TRPC5: variants seen among roughly 807,000 people sequenced by gnomAD.
TRPC5 encodes the protein transient receptor potential cation channel subfamily C member 5.
A neutral mutation model predicts 56.5 loss-of-function variants in TRPC5; 9 were observed. That is an observed-to-expected ratio of 0.16 (90% CI 0.10 to 0.28). TRPC5 has a LOEUF of 0.28. Ranked by LOEUF, TRPC5 falls within the 10% of genes least tolerant of loss-of-function variation. The pLI is 1.00. For missense variants in TRPC5, 469 were observed against 748.9 expected (o/e 0.63, Z 4.36); for synonymous variants, 282 against 278.5 (o/e 1.01, Z -0.13).
intron 6 of TRPC5, among the ~76,000 whole-genome samples, chrX:111,841,438 T>A (rs1326333286): frequency 8.9e-6 from 1 of 111,877 alleles, no homozygotes; most frequent in Non-Finnish European, 1.9e-5. Context: ...ACAGCCTGAT[T>A]AACTGCGTTG....
intron 7 of TRPC5, among the ~76,000 whole-genome samples, chrX:111,788,380 C>T (rs1945987719): frequency 8.9e-6 from 1 of 111,828 alleles, no homozygotes; most frequent in African/African-American, 3.3e-5. Flanking sequence ...ATGCTAAAAA[C>T]TCTCAATAAA....
At chrX:111,829,605 C>T (rs73266316) in intron 7 of TRPC5, among the ~76,000 whole-genome samples, 5,763 of 112,057 alleles carry the variant, frequency 0.051, 162 homozygotes, top group Non-Finnish European at 0.079. Context: ...GTTTTCCAGC[C>T]GATCTAGCCA....
At chrX:111,786,459 A>G (rs1207134288) in intron 7 of TRPC5, among the ~76,000 whole-genome samples, 1 of 111,806 alleles carries the variant, frequency 8.9e-6, no homozygotes, top group Non-Finnish European at 1.9e-5. Context: ...CACTGCAAAA[A>G]TATGCCAAAT....
chrX:112,015,397 T>A (rs1174571778), intron 1 of TRPC5, among the ~76,000 whole-genome samples: 1 of 110,510 alleles, frequency 9.0e-6, no homozygotes, highest in Non-Finnish European at 1.9e-5. Context: ...TTTTTTTTCT[T>A]TGGTAGAGAT....
At chrX:111,799,256 TCTTTTGTTTGTA>T (rs1201570632) in intron 7 of TRPC5, among the ~76,000 whole-genome samples, 1 of 111,502 alleles carries the variant, frequency 9.0e-6, no homozygotes, top group Non-Finnish European at 1.9e-5. Flanking sequence ...CAGTTGCTAG[TCTTTTGTTTGTA>T]CTAGAAGGCC....
At chrX:111,982,209 T>C (rs952323198) in intron 1 of TRPC5, among the ~76,000 whole-genome samples, 16 of 112,136 alleles carry the variant, frequency 1.4e-4, no homozygotes, top group African/African-American at 5.2e-4. Flanking sequence ...AGGTAGTCCT[T>C]TATGGCAGTG....
intron 1 of TRPC5, among the ~76,000 whole-genome samples, chrX:112,030,349 C>G (rs968718292): frequency 2.7e-5 from 3 of 112,200 alleles, no homozygotes; most frequent in African/African-American, 9.7e-5. Context: ...GTGACTTGCC[C>G]GAAGTCCATA....
chrX:112,072,453 A>C (rs998593275), intron 1 of TRPC5, among the ~76,000 whole-genome samples: 2 of 111,831 alleles, frequency 1.8e-5, no homozygotes, highest in African/African-American at 6.5e-5. Context: ...TTGAGTTCTA[A>C]ACCCATTTAA....
chrX:111,993,105 A>G (rs781012066), intron 1 of TRPC5, among the ~76,000 whole-genome samples: 17 of 101,441 alleles, frequency 1.7e-4, no homozygotes, highest in African/African-American at 5.1e-4. Flanking sequence ...CCTGTGTCCA[A>G]GTGATCTCAT....
intron 1 of TRPC5, among the ~76,000 whole-genome samples, chrX:111,954,741 G>T (rs1341325295): frequency 9.0e-6 from 1 of 111,342 alleles, no homozygotes; most frequent in Admixed American, 9.6e-5. Flanking sequence ...AAGCATTACT[G>T]CTACAGGAAG....
intron 1 of TRPC5, among the ~76,000 whole-genome samples, chrX:112,015,646 C>T (rs953044864): frequency 1.8e-5 from 2 of 111,515 alleles, no homozygotes; most frequent in Non-Finnish European, 3.8e-5. Flanking sequence ...ATTTAGATGG[C>T]TGATTTTTTT....
intron 1 of TRPC5, among the ~76,000 whole-genome samples, chrX:112,080,876 G>A (rs1321260036): frequency 8.9e-6 from 1 of 112,189 alleles, no homozygotes; most frequent in Non-Finnish European, 1.9e-5. Context: ...ATAGAAAAGT[G>A]GGTCTGGGTG....
chrX:111,862,501 G>A (rs1923432186), intron 3 of TRPC5, among the ~76,000 whole-genome samples: 1 of 112,150 alleles, frequency 8.9e-6, no homozygotes, highest in African/African-American at 3.2e-5. Flanking sequence ...ACTTACTGTT[G>A]TCATATCTAA....
intron 1 of TRPC5, among the ~76,000 whole-genome samples, chrX:112,069,228 G>A (rs61005309): frequency 0.085 from 9,524 of 111,421 alleles, 986 homozygotes; most frequent in African/African-American, 0.29. Flanking sequence ...TTTTGCTTAA[G>A]GTCACACTCC....
At chrX:111,876,393 T>C (rs1220540571) in intron 3 of TRPC5, 1 of 111,985 alleles carries the variant, frequency 8.9e-6, no homozygotes, top group Non-Finnish European at 1.9e-5. Flanking sequence ...GCACTTGCCT[T>C]CTTCTCCTGG....
At chrX:112,015,759 G>A (rs1007139570) in intron 1 of TRPC5, among the ~76,000 whole-genome samples, 4 of 111,810 alleles carry the variant, frequency 3.6e-5, no homozygotes, top group African/African-American at 6.5e-5. Context: ...ATCCATTTGC[G>A]AAGACAGATG....
intron 3 of TRPC5, among the ~76,000 whole-genome samples, chrX:111,880,456 A>T (rs1924157068): frequency 8.9e-6 from 1 of 112,543 alleles, no homozygotes; most frequent in Non-Finnish European, 1.9e-5. Context: ...TCCCACAGCC[A>T]CAGGCCCTGT....
At chrX:112,080,630 A>G (rs1930942204) in intron 1 of TRPC5, among the ~76,000 whole-genome samples, 1 of 111,798 alleles carries the variant, frequency 8.9e-6, no homozygotes, top group South Asian at 3.7e-4. Context: ...ACTTCGTACT[A>G]TGTAAATATA....
chrX:111,973,629 G>A lies in TRPC5; in HGVS notation c.-21-21188C>T, dbSNP rs188317624. 1.3e-4 allele frequency among the ~76,000 whole-genome samples: 14 copies of A among 111,725 alleles called. No homozygotes were observed. The East Asian group carries it at 3.7e-3, about 29-fold the overall frequency. ...CTAATCTCTAGAGACAGAAGCAGTA[G>A]TGTACTACAGATGGCTCATACTATC... On this transcript the variant is annotated intron_variant, in intron 1 of 10. Transcript: ENST00000262839.
Sources: gnomAD v4.1 joint callset for allele counts (sites outside exome capture counted in the v4.1 genomes callset) on GRCh38, gnomAD v4.1.1 for gene constraint, MANE v1.5 for transcripts, NCBI Gene and HGNC (gene_info 2026-07-23, HGNC 2026-07-21) for gene names.